NDC1: variants seen among roughly 807,000 people sequenced by gnomAD.
The protein encoded by NDC1 is NDC1 transmembrane nucleoporin, also known as nucleoporin NDC1.
Under a neutral mutation model 89.8 loss-of-function variants are expected in NDC1, and 24 were observed. That is an observed-to-expected ratio of 0.27 (90% CI 0.19 to 0.38). The LOEUF is 0.38. Among genes scored for constraint, NDC1 ranks in the 10% least tolerant of loss-of-function variants. The pLI, the probability that NDC1 is intolerant of heterozygous loss-of-function variation, is 1.00. For synonymous variants in NDC1, 296 were observed against 284.8 expected, an observed-to-expected ratio of 1.04 and a Z score of -0.39; for missense variants, 728 against 797.6, an observed-to-expected ratio of 0.91 and a Z score of 1.05.
chr1:53,828,162 T>C lies in NDC1; in HGVS notation c.292A>G (p.Ile98Val). 2 of 1,613,900 alleles carry C rather than the reference T, an allele frequency of 1.2e-6. No individual in the cohort carries two copies. The highest frequency in any genetic ancestry group is 2.2e-5 in the South Asian group (2 of 91,060). The change falls in exon 4 of 18, where the codon ATT becomes GTT. Residue 98 changes from isoleucine (I) to valine (V), a missense_variant. Ile to Val is a conservative substitution (Grantham distance 29). Transcript: ENST00000371429. ...ATCAGAGCTAGTCTGGAGCAAGGAA[T>C]AGAAGGCACAACTGCAAAGGAAACA... ...NVEFYAVVPSIPCSRLALIGK... is the reference protein window; with the variant it reads ...NVEFYAVVPSVPCSRLALIGK...
rs769789336 is a variant in NDC1, at chr1:53,828,075, C to T, written c.379G>A (p.Val127Met). ...HSFIHAAMGM[V>M]MAWCAAVITQ... is the part of the protein sequence containing the mutation. ...ATCACTGCAGCACACCAGGCCATCACCATTCCCATTGCAGCATGAATAAAT... is the reference window on the plus strand; with the variant it reads ...ATCACTGCAGCACACCAGGCCATCATCATTCCCATTGCAGCATGAATAAAT... Residue 127 changes from valine (V) to methionine (M), a missense_variant, in exon 4 of 18, where the codon GTG becomes ATG. Physicochemically the swap from Val to Met is conservative, Grantham distance 21. Transcript: ENST00000371429. 69 of 1,614,150 alleles carry T rather than the reference C, an allele frequency of 4.3e-5. No homozygotes were observed. The Middle Eastern group carries it at 6.6e-4, about 15-fold the overall frequency.
intron 16 of NDC1, 140 bp from the exon 17 acceptor site, chr1:53,772,629 C>T (rs1042493128): frequency 6.7e-6 from 4 of 600,146 alleles, no homozygotes; most frequent in Non-Finnish European, 1.2e-5. Flanking sequence ...TTCCACTGTA[C>T]TCCAGACTGG....
chr1:53,783,465 T>C (rs1647236435), intron 16 of NDC1, among the ~76,000 whole-genome samples: 1 of 152,152 alleles, frequency 6.6e-6, no homozygotes, highest in Non-Finnish European at 1.5e-5. Context: ...TGTTCCATCT[T>C]TTCTCAACAT....
intron 13 of NDC1, 45 bp from the exon 14 acceptor site, chr1:53,793,324 T>A (rs755781661): frequency 7.0e-7 from 1 of 1,432,226 alleles, no homozygotes; most frequent in Admixed American, 1.7e-5. Flanking sequence ...CCTTTTAAAT[T>A]CTATTCAAAT....
chr1:53,793,091 A>G, intron 14 of NDC1, 138 bp downstream of exon 14: 1 of 702,136 alleles, frequency 1.4e-6, no homozygotes, highest in Non-Finnish European at 2.5e-6. Flanking sequence ...ACGGAGGTTC[A>G]GTGAAGCACT....
intron 16 of NDC1, among the ~76,000 whole-genome samples, chr1:53,785,108 C>T (rs1266231956): frequency 6.6e-6 from 1 of 152,152 alleles, no homozygotes; most frequent in Non-Finnish European, 1.5e-5. Context: ...CACTGTACTA[C>T]TAAGCCTCCC....
At chr1:53,815,912 T>A (rs1030394774) in intron 6 of NDC1, among the ~76,000 whole-genome samples, 1 of 152,124 alleles carries the variant, frequency 6.6e-6, no homozygotes, top group Non-Finnish European at 1.5e-5. Flanking sequence ...GAAAGATCTC[T>A]ACAAGGAAAA....
At chr1:53,788,173 A>T (rs1647366599) in intron 15 of NDC1, among the ~76,000 whole-genome samples, 2 of 152,074 alleles carry the variant, frequency 1.3e-5, no homozygotes. Flanking sequence ...ATGCACCTGT[A>T]GTCCAAACTA....
In NDC1 at chr1:53,829,806, A is replaced by C. The variant is rs1648991100; in HGVS notation, c.281-1633T>G. Among the ~76,000 whole-genome samples, 3 of 152,236 alleles carry C rather than the reference A, an allele frequency of 2.0e-5. No homozygotes were observed. In the East Asian group the frequency reaches 5.8e-4, roughly 29 times the overall value. On this transcript the variant is annotated intron_variant, in intron 3 of 17. Coordinates refer to ENST00000371429, the MANE Select transcript of NDC1 (RefSeq NM_018087.5). Reference sequence around the variant, plus strand: ...TCTGTTTAAGTGTGGCTGTAAGCCAAGGAGTTTCGAATAGGGCTTGCATGG... The same window carrying C: ...TCTGTTTAAGTGTGGCTGTAAGCCACGGAGTTTCGAATAGGGCTTGCATGG...
chr1:53,774,511 G>A (rs1365858869), intron 16 of NDC1, among the ~76,000 whole-genome samples: 2 of 152,128 alleles, frequency 1.3e-5, no homozygotes, highest in African/African-American at 4.8e-5. Flanking sequence ...TGGGTCCTAT[G>A]AATACTTTAT....
At chr1:53,825,623 C>T (rs1310636763) in intron 5 of NDC1, among the ~76,000 whole-genome samples, 175 bp downstream of exon 5, 2 of 152,130 alleles carry the variant, frequency 1.3e-5, no homozygotes, top group Admixed American at 1.3e-4. Context: ...CAAAAATATG[C>T]TTAAGTCTCA....
chr1:53,832,729 C>T (rs1175636303), intron 2 of NDC1, 138 bp from the exon 3 acceptor site: 2 of 571,844 alleles, frequency 3.5e-6, no homozygotes, highest in South Asian at 2.5e-5. Context: ...TTTAATTGTA[C>T]ACCACTGACA....
Position 53,807,649 on chromosome 1 carries a change from A to C in NDC1, c.891+7T>G. On this transcript the variant is annotated splice_region_variant and intron_variant, in intron 8 of 17. Coordinates refer to ENST00000371429, the MANE Select transcript of NDC1 (RefSeq NM_018087.5). ...AGTATTAAGAAAAAATATTTTAAAA[A>C]ACATACCTCTGTGGCATAGATTTTG... 6.3e-7 allele frequency: 1 copy of C among 1,585,096 alleles called. No homozygotes were observed.
intron 16 of NDC1, among the ~76,000 whole-genome samples, chr1:53,784,658 G>T (rs767930720): frequency 6.6e-6 from 1 of 152,170 alleles, no homozygotes; most frequent in Non-Finnish European, 1.5e-5. Flanking sequence ...GGGCGTGGTG[G>T]CAGACACCTG....
At position 53,828,067 on chromosome 1, in the gene NDC1, G is replaced by A. The variant is rs1287023920; in HGVS notation, c.387C>T (p.Ala129=). The change falls in exon 4 of 18, where the codon GCC becomes GCT. Residue 129 remains alanine (A), a synonymous_variant. Transcript: ENST00000371429. ...CCTGGGTTATCACTGCAGCACACCA[G>A]GCCATCACCATTCCCATTGCAGCAT... ...FIHAAMGMVM[A]WCAAVITQGQ... is the part of the protein sequence containing the mutation. The A allele has an allele frequency of 1.9e-6, 3 of 1,613,982 alleles. No homozygotes were observed. The African/African-American group carries it at 4.0e-5, about 22-fold the overall frequency.
chr1:53,800,426 C>A (rs1647867656), intron 11 of NDC1, among the ~76,000 whole-genome samples: 1 of 146,644 alleles, frequency 6.8e-6, no homozygotes, highest in Admixed American at 6.9e-5. Context: ...AACTCCGCCT[C>A]CCTGGTTCTC....
rs1162398773 is a variant in NDC1, at chr1:53,766,458, T to A, written c.*1512A>T. The A allele has an allele frequency of 6.6e-6, 1 of 152,106 alleles. No homozygotes were observed. Among genetic ancestry groups the A allele is most frequent in the African/African-American group, 2.4e-5 (1 of 41,410 alleles). 9.4% of individuals were successfully genotyped at this position (152,106 alleles called of 1,614,324 possible). On this transcript the variant is annotated 3_prime_UTR_variant, in exon 18 of 18. Coordinates refer to ENST00000371429, the MANE Select transcript of NDC1 (RefSeq NM_018087.5). The stretch of plus-strand genomic sequence containing the variant: ...AATGACTACGTTTGAAATTCAACTT[T>A]CACATTCAAAAAAAAGAAATCAATT...
At chr1:53,824,244 A>AG (rs1648767559) in intron 5 of NDC1, among the ~76,000 whole-genome samples, 2 of 142,668 alleles carry the variant, frequency 1.4e-5, no homozygotes, top group South Asian at 4.7e-4. Flanking sequence ...GAAAAAAAAA[A>AG]AAAAAAGAAA....
chr1:53,791,113 T>C (rs1570177196), intron 14 of NDC1, among the ~76,000 whole-genome samples: 2 of 152,318 alleles, frequency 1.3e-5, no homozygotes, highest in South Asian at 4.1e-4. Flanking sequence ...TTAGCTTCTA[T>C]ACGTAAGTAA....
Sources: allele counts gnomAD v4.1 joint callset (sites outside exome capture counted in the v4.1 genomes callset), GRCh38; gene constraint gnomAD v4.1.1; transcripts MANE v1.5; gene names NCBI Gene and HGNC (gene_info 2026-07-23, HGNC 2026-07-21).